AP5M1: variants seen among roughly 807,000 people sequenced by gnomAD.
The protein encoded by AP5M1 is adaptor related protein complex 5 subunit mu 1, also known as AP-5 complex subunit mu-1.
Under a neutral mutation model 52.3 loss-of-function variants are expected in AP5M1, and 44 were observed. The ratio of observed to expected loss-of-function variants is 0.84; its 90% CI spans 0.66 to 1.08. The LOEUF (loss-of-function observed/expected upper bound fraction) is 1.08, where lower values mean the gene tolerates loss of function less well. AP5M1 is among the 50% of genes least tolerant of loss of function. The pLI is 0.00. For synonymous variants in AP5M1, 213 were observed against 199.0 expected, an observed-to-expected ratio of 1.07 and a Z score of -0.59; for missense variants, 526 against 568.4, an observed-to-expected ratio of 0.93 and a Z score of 0.76.
intron 6 of AP5M1, among the ~76,000 whole-genome samples, chr14:57,283,814 C>T (rs955313433): frequency 1.3e-5 from 2 of 151,990 alleles, no homozygotes; most frequent in African/African-American, 4.8e-5. Flanking sequence ...GGTGAGACCC[C>T]GCCTCTACAA....
rs1885558411 is a variant in AP5M1, at chr14:57,296,636, G to C, written c.*7752G>C. On this transcript the variant is annotated 3_prime_UTR_variant, in exon 8 of 8. Transcript: ENST00000261558. ...GGACTTTTTAATATGAATAACAGTG[G>C]TCTCGTGCCATAAGTATTTCTCTCA... 6.6e-6 allele frequency: 1 copy of C among 151,976 alleles called. No homozygotes were observed. The highest frequency in any genetic ancestry group is 1.5e-5 in the Non-Finnish European group (1 of 67,960). The allele number at this position is 151,976 out of a possible 1,614,324, so 9.4% of individuals were successfully genotyped here. A position where few individuals can be genotyped will look rare whatever the true frequency, so the allele number is the denominator to read the frequency against.
At chr14:57,275,784 T>C (rs771291710) in intron 2 of AP5M1, among the ~76,000 whole-genome samples, 11 of 152,274 alleles carry the variant, frequency 7.2e-5, no homozygotes, top group South Asian at 6.2e-4. Flanking sequence ...TCTGTAGAAA[T>C]AGAAAACAGG....
At position 57,274,962 on chromosome 14, in the gene AP5M1, A is replaced by G. The variant is rs765760343; in HGVS notation, c.720+73A>G. The G allele has an allele frequency of 2.6e-6, 4 of 1,523,628 alleles. No individual in the cohort carries two copies. In the Admixed American group the frequency reaches 6.9e-5, roughly 26 times the overall value. 94.4% of individuals were successfully genotyped at this position (1,523,628 alleles called of 1,614,324 possible). ...GAGAAAAGTTAAATTTGCTAGTTGTATTTTAAATAACATTTTTTATTTTCA... is the reference window on the plus strand; with the variant it reads ...GAGAAAAGTTAAATTTGCTAGTTGTGTTTTAAATAACATTTTTTATTTTCA... On this transcript the variant is annotated intron_variant, in intron 2 of 7. Transcript: ENST00000261558.
At chr14:57,285,063 AC>A (rs927143521) in intron 6 of AP5M1, among the ~76,000 whole-genome samples, 12 of 152,254 alleles carry the variant, frequency 7.9e-5, no homozygotes, top group African/African-American at 2.9e-4. Flanking sequence ...ATTAAAAAAA[AC>A]AAATGAGGGA....
chr14:57,269,795 T>C (rs1193270445), intron 1 of AP5M1, among the ~76,000 whole-genome samples: 1 of 152,168 alleles, frequency 6.6e-6, no homozygotes, highest in Admixed American at 6.5e-5. Flanking sequence ...CTAAGTTATA[T>C]CAGACTTTTA....
chr14:57,295,530 C>T lies in AP5M1; in HGVS notation c.*6646C>T, dbSNP rs999408219. On this transcript the variant is annotated 3_prime_UTR_variant, in exon 8 of 8. Transcript: ENST00000261558. ...AATATTTGTTGCATCTTCAAGCAAC[C>T]TGCTGCTCTCCAGACTGTTACAGTG... 6.6e-6 allele frequency: 1 copy of T among 151,792 alleles called. No homozygotes were observed. Among genetic ancestry groups the T allele is most frequent in the Non-Finnish European group, 1.5e-5 (1 of 67,858 alleles). 9.4% of individuals were successfully genotyped at this position (151,792 alleles called of 1,614,324 possible).
At position 57,296,877 on chromosome 14, in the gene AP5M1, A is replaced by G. The variant is rs1429781326; in HGVS notation, c.*7993A>G. 1 of 152,044 alleles carries G rather than the reference A, an allele frequency of 6.6e-6. No individual in the cohort carries two copies. The highest frequency in any genetic ancestry group is 1.5e-5 in the Non-Finnish European group (1 of 67,982). The allele number at this position is 152,044 out of a possible 1,614,324, so 9.4% of individuals were successfully genotyped here. ...AGACAAAAAACAGTTCCATATTTTG[A>G]ACGATATATTCTACCTCCTGCAGTG... On this transcript the variant is annotated 3_prime_UTR_variant, in exon 8 of 8. Coordinates refer to ENST00000261558, the MANE Select transcript of AP5M1 (RefSeq NM_018229.4).
intron 2 of AP5M1, among the ~76,000 whole-genome samples, chr14:57,279,898 A>G (rs1377608085): frequency 6.6e-6 from 1 of 152,202 alleles, no homozygotes; most frequent in Non-Finnish European, 1.5e-5. Flanking sequence ...GCTGTGGCAG[A>G]AATTGTAAGG....
intron 2 of AP5M1, chr14:57,275,096 A>G: frequency 5.0e-6 from 3 of 599,330 alleles, no homozygotes; most frequent in Non-Finnish European, 8.7e-6. Context: ...GAATTGTCTC[A>G]TTGTCCCCAA....
At chr14:57,269,912 C>G (rs965604063) in intron 1 of AP5M1, among the ~76,000 whole-genome samples, 3 of 152,238 alleles carry the variant, frequency 2.0e-5, no homozygotes, top group South Asian at 2.1e-4. Flanking sequence ...GGGTTCATGC[C>G]GTTCTCCTGC....
At chr14:57,269,462 G>T in intron 1 of AP5M1, 74 bp downstream of exon 1, 1 of 1,507,502 alleles carries the variant, frequency 6.6e-7, no homozygotes, top group Non-Finnish European at 9.2e-7. Flanking sequence ...GTGGTGCTTC[G>T]TGGCCCAGGT....
chr14:57,285,819 C>A (rs1285931420), intron 6 of AP5M1, among the ~76,000 whole-genome samples: 1 of 152,010 alleles, frequency 6.6e-6, no homozygotes, highest in Non-Finnish European at 1.5e-5. Flanking sequence ...GACAGTAGCA[C>A]GGGGGAGACA....
rs960153434 is a variant in AP5M1 at position 57,292,590 on chromosome 14, G to T, written c.*3706G>T. The T allele has an allele frequency of 6.6e-6, 1 of 151,698 alleles. No homozygotes were observed. The highest frequency in any genetic ancestry group is 1.5e-5 in the Non-Finnish European group (1 of 67,788). The allele number at this position is 151,698 out of a possible 1,614,324, so 9.4% of individuals were successfully genotyped here. A position where few individuals can be genotyped will look rare whatever the true frequency, so the allele number is the denominator to read the frequency against. The stretch of plus-strand genomic sequence containing the variant: ...CTAACAATGATATTAGGAAACATAG[G>T]CTTTGAAGAAAGAAGAAACAAAGAC... On this transcript the variant is annotated 3_prime_UTR_variant, in exon 8 of 8. Coordinates refer to ENST00000261558, the MANE Select transcript of AP5M1 (RefSeq NM_018229.4).
chr14:57,271,054 T>C (rs866220967), intron 1 of AP5M1: 1 of 152,222 alleles, frequency 6.6e-6, no homozygotes, highest in African/African-American at 2.4e-5. Context: ...ATTGTTAATT[T>C]TGGGTAATGT....
At position 57,270,532 on chromosome 14, in the gene AP5M1, G is replaced by A. The variant is rs115073436; in HGVS notation, c.74+1144G>A. Among the ~76,000 whole-genome samples the A allele has an allele frequency of 2.4e-3, 367 of 152,248 alleles. 3 individuals carry two copies. Among genetic ancestry groups the A allele is most frequent in the African/African-American group, 8.3e-3 (344 of 41,550 alleles). ...CTTCTTTGCAACCTTAACAGTTTTT[G>A]TTCCTGAGGGCATCAGAGTTGGAGT... is the stretch of plus-strand genomic sequence containing the variant. On this transcript the variant is annotated intron_variant, in intron 1 of 7. Coordinates refer to ENST00000261558, the MANE Select transcript of AP5M1 (RefSeq NM_018229.4).
At position 57,295,436 on chromosome 14, in the gene AP5M1, G is replaced by A. The variant is rs900570783; in HGVS notation, c.*6552G>A. ...CCAGAGGGAAGGAAAAAATGCACTC[G>A]GTTTTGCATTAACAAAGGAAACATT... On this transcript the variant is annotated 3_prime_UTR_variant, in exon 8 of 8. Transcript: ENST00000261558. 1 of 151,736 alleles carries A rather than the reference G, an allele frequency of 6.6e-6. No individual in the cohort carries two copies. The highest frequency in any genetic ancestry group is 1.5e-5 in the Non-Finnish European group (1 of 67,864). 9.4% of individuals were successfully genotyped at this position (151,736 alleles called of 1,614,324 possible).
Position 57,282,108 on chromosome 14 carries a change from T to G in AP5M1, c.968T>G (p.Leu323Trp), listed in dbSNP as rs1369903799. 6.3e-7 allele frequency: 1 copy of G among 1,575,544 alleles called. No homozygotes were observed. Among genetic ancestry groups the G allele is most frequent in the Non-Finnish European group, 8.6e-7 (1 of 1,166,306 alleles). ...YTSQVPVPPI[L>W]GFYQMKEEEV... ...TTTTAGGTCCCTGTCCCACCAATTT[T>G]GGGTTTTTATCAAATGAAGGAGGAA... is the stretch of plus-strand genomic sequence containing the variant. The change falls in exon 4 of 8, where the codon TTG becomes TGG. Residue 323 changes from leucine to tryptophan, a missense_variant. Coordinates refer to ENST00000261558, the MANE Select transcript of AP5M1 (RefSeq NM_018229.4).
At chr14:57,280,063 CAG>C in intron 2 of AP5M1, 130 bp from the exon 3 acceptor site, 1 of 721,586 alleles carries the variant, frequency 1.4e-6, no homozygotes, top group South Asian at 1.7e-5. Flanking sequence ...AATAAGAACA[CAG>C]AAAGCAAAGA....
Position 57,275,791 on chromosome 14 carries a change from C to G in AP5M1, c.720+902C>G, listed in dbSNP as rs188776249. ...TTGGGTTCTCTGTAGAAATAGAAAA[C>G]AGGAAAACACAACGTAAATAACAAT... On this transcript the variant is annotated intron_variant, in intron 2 of 7. Transcript: ENST00000261558. 3.4e-3 allele frequency among the ~76,000 whole-genome samples: 519 copies of G among 152,126 alleles called. 2 individuals are homozygous for G. Among genetic ancestry groups the G allele is most frequent in the Non-Finnish European group, 5.4e-3 (369 of 67,972 alleles).
Sources: gnomAD v4.1 joint callset for allele counts (sites outside exome capture counted in the v4.1 genomes callset) on GRCh38, gnomAD v4.1.1 for gene constraint, MANE v1.5 for transcripts, NCBI Gene and HGNC (gene_info 2026-07-23, HGNC 2026-07-21) for gene names.